Variants in ERGIC3 observed in about 807,000 individuals in gnomAD.
ERGIC3 encodes the protein endoplasmic reticulum-Golgi intermediate compartment protein 3.
Under a neutral mutation model 54.7 loss-of-function variants are expected in ERGIC3, and 33 were observed. The ratio of observed to expected loss-of-function variants is 0.60; its 90% confidence interval spans 0.46 to 0.81. ERGIC3 has a LOEUF of 0.81. Among genes scored for constraint, ERGIC3 ranks in the 30% least tolerant of loss-of-function variants. The pLI is 0.00. For synonymous variants in ERGIC3, 186 were observed against 189.8 expected, an observed-to-expected ratio of 0.98 and a Z score of 0.16; for missense variants, 399 against 488.4, an observed-to-expected ratio of 0.82 and a Z score of 1.73.
rs116307667 is a variant in ERGIC3, at chr20:35,556,850, G to A, written c.880-123G>A. 681 of 1,372,092 alleles carry A rather than the reference G, an allele frequency of 5.0e-4. 4 individuals are homozygous for A. In the African/African-American group the frequency reaches 8.8e-3, roughly 18 times the overall value. 85.0% of individuals were successfully genotyped at this position (1,372,092 alleles called of 1,614,324 possible). A position where few individuals can be genotyped will look rare whatever the true frequency, so the allele number is the denominator to read the frequency against. On this transcript the variant is annotated intron_variant, in intron 10 of 12. Coordinates refer to ENST00000348547, the MANE Select transcript of ERGIC3 (RefSeq NM_015966.3). Reference sequence around the variant, plus strand: ...TTGCAGTGCAGGCCACTAGCACGGTGCTGTGTTCTCTCCTTACACGGCCAA... The same window carrying A: ...TTGCAGTGCAGGCCACTAGCACGGTACTGTGTTCTCTCCTTACACGGCCAA...
Position 35,557,261 on chromosome 20 carries a change from A to G in ERGIC3, c.1072+12A>G, listed in dbSNP as rs1426402564. On this transcript the variant is annotated intron_variant, in intron 12 of 12. Transcript: ENST00000348547. ...GGGCATGTTCACAGGTAAGAGGCCC[A>G]GGGCGTCTGTGAGCTGTGGGGTGGG... 3 of 1,613,834 alleles carry G rather than the reference A, an allele frequency of 1.9e-6. No individual in the cohort carries two copies. The African/African-American group carries it at 4.0e-5, about 22-fold the overall frequency.
Position 35,557,541 on chromosome 20 carries a change from T to C in ERGIC3, c.*37T>C. On this transcript the variant is annotated 3_prime_UTR_variant, in exon 13 of 13. Transcript: ENST00000348547. ...GCTTCCTCTGTCTCCTCTTTCTCCC[T>C]GGCCTGTGGTTGTCCCCCAGCCTCT... 11 of 1,592,376 alleles carry C rather than the reference T, an allele frequency of 6.9e-6. No individual in the cohort carries two copies. The highest frequency in any genetic ancestry group is 9.5e-6 in the Non-Finnish European group (11 of 1,160,900).
chr20:35,557,065 C>T lies in ERGIC3; in HGVS notation c.972C>T (p.Leu324=), dbSNP rs2064717845. 1 of 1,614,130 alleles carries T rather than the reference C, an allele frequency of 6.2e-7. No individual in the cohort carries two copies. Among genetic ancestry groups the T allele is most frequent in the Non-Finnish European group, 8.5e-7 (1 of 1,180,046 alleles). Residue 324 remains leucine, a synonymous_variant, in exon 11 of 13, where the codon CTC becomes CTT. Transcript: ENST00000348547. Reference sequence around the variant, plus strand: ...AAGGCCTTCCCGGAGTCTTCGTCCTCTATGAGCTCTCGCCCATGATGGTGA... The same window carrying T: ...AAGGCCTTCCCGGAGTCTTCGTCCTTTATGAGCTCTCGCCCATGATGGTGA... The part of the protein sequence containing the change: ...GDQGLPGVFV[L]YELSPMMVKL...
chr20:35,547,402 C>G lies in ERGIC3; in HGVS notation c.368-10C>G, dbSNP rs1162807084. ...CCCAGCTGATGCCTCTGCTTCTCCC[C>G]TCCCCTTAGAGCTTGGGAAAGTCGA... On this transcript the variant is annotated splice_polypyrimidine_tract_variant and intron_variant, in intron 4 of 12. Coordinates refer to ENST00000348547, the MANE Select transcript of ERGIC3 (RefSeq NM_015966.3). 3.7e-6 allele frequency: 6 copies of G among 1,613,144 alleles called. No individual in the cohort carries two copies. The highest frequency in any genetic ancestry group is 4.2e-6 in the Non-Finnish European group (5 of 1,179,200).
chr20:35,556,767 G>C, intron 10 of ERGIC3: 1 of 662,964 alleles, frequency 1.5e-6, no homozygotes, highest in Admixed American at 2.8e-5. Flanking sequence ...TAAAGACTTG[G>C]CACCTGGAGG....
At chr20:35,547,869 T>G (rs919511408) in intron 5 of ERGIC3, among the ~76,000 whole-genome samples, 1 of 152,158 alleles carries the variant, frequency 6.6e-6, no homozygotes, top group Non-Finnish European at 1.5e-5. Flanking sequence ...ACATATGGAT[T>G]AGCTGTATAC....
At position 35,554,485 on chromosome 20, in the gene ERGIC3, C is replaced by T. The variant is rs1418364546; in HGVS notation, c.686-559C>T. On this transcript the variant is annotated intron_variant, in intron 7 of 12. Transcript: ENST00000348547. ...GTTGGATGGGGCTGTGATTGGGTCTCCTCTGACCTGGCTGCTGGGTGACTG... is the reference window on the plus strand; with the variant it reads ...GTTGGATGGGGCTGTGATTGGGTCTTCTCTGACCTGGCTGCTGGGTGACTG... 5 of 1,345,654 alleles carry T rather than the reference C, an allele frequency of 3.7e-6. No individual in the cohort carries two copies. In the Admixed American group the frequency reaches 7.1e-5, roughly 19 times the overall value. The allele number at this position is 1,345,654 out of a possible 1,614,324, so 83.4% of individuals were successfully genotyped here. A position where few individuals can be genotyped will look rare whatever the true frequency, so the allele number is the denominator to read the frequency against.
chr20:35,542,691 G>A, intron 3 of ERGIC3, 91 bp downstream of exon 3: 1 of 1,599,214 alleles, frequency 6.3e-7, no homozygotes, highest in Non-Finnish European at 8.6e-7. Flanking sequence ...TTCTGGACTG[G>A]ACCCCAGGAC....
chr20:35,542,812 C>T lies in ERGIC3; in HGVS notation c.248-10C>T, dbSNP rs776611762. On this transcript the variant is annotated splice_polypyrimidine_tract_variant and intron_variant, in intron 3 of 12. Transcript: ENST00000348547. ...GTCCCAGTACCTTAGCCTGATTTTC[C>T]TGCTTCCAGATCTGAGTATTGATGC... is the stretch of plus-strand genomic sequence containing the variant. 6.2e-7 allele frequency: 1 copy of T among 1,614,104 alleles called. No homozygotes were observed. Among genetic ancestry groups the T allele is most frequent in the Non-Finnish European group, 8.5e-7 (1 of 1,180,032 alleles).
chr20:35,543,624 C>G (rs767222542), intron 4 of ERGIC3: 2 of 471,186 alleles, frequency 4.2e-6, no homozygotes, highest in African/African-American at 4.0e-5. Context: ...TTAGAGATTA[C>G]TCTGGTGGGG....
rs762721281 is a variant in ERGIC3 at position 35,547,551 on chromosome 20, T to TGTCA, written c.461+52_461+55dup. The TGTCA allele has an allele frequency of 8.3e-6, 13 of 1,563,990 alleles. No homozygotes were observed. The African/African-American group carries it at 1.6e-4, about 20-fold the overall frequency. ...AGCAGGGTTCCCATCAGGCGCCATC[T>TGTCA]GTCAGTCAGCCTCAGCCTCAGTCAG... On this transcript the variant is annotated intron_variant, in intron 5 of 12. Transcript: ENST00000348547.
rs527416693 is a variant in ERGIC3, at chr20:35,545,798, G to A, written c.368-1614G>A. Among the ~76,000 whole-genome samples, 25 of 152,212 alleles carry A rather than the reference G, an allele frequency of 1.6e-4. No individual in the cohort carries two copies. In the East Asian group the frequency reaches 4.8e-3, roughly 29 times the overall value. On this transcript the variant is annotated intron_variant, in intron 4 of 12. Coordinates refer to ENST00000348547, the MANE Select transcript of ERGIC3 (RefSeq NM_015966.3). ...AGGAAAGAGGAATCTCAGGTTTGGG[G>A]TATGTTAAATTTGGGGTTCCTATTT...
intron 7 of ERGIC3, chr20:35,554,718 C>G: frequency 5.1e-6 from 3 of 590,914 alleles, no homozygotes; most frequent in East Asian, 5.6e-5. Context: ...GCCATCAGCT[C>G]TAGTTAGTGA....
rs2064722748 is a variant in ERGIC3, at chr20:35,557,611, A to C, written c.*107A>C. 8.7e-6 allele frequency: 8 copies of C among 916,640 alleles called. No homozygotes were observed. The highest frequency in any genetic ancestry group is 7.1e-5 in the South Asian group (5 of 70,476). 56.8% of individuals were successfully genotyped at this position (916,640 alleles called of 1,614,324 possible). Reference sequence around the variant, plus strand: ...GTCAGCCCCAGCCCCAGGTTGATAAATCTATTGATTGATTGTGATAGTACT... The same window carrying C: ...GTCAGCCCCAGCCCCAGGTTGATAACTCTATTGATTGATTGTGATAGTACT... On this transcript the variant is annotated 3_prime_UTR_variant, in exon 13 of 13. Coordinates refer to ENST00000348547, the MANE Select transcript of ERGIC3 (RefSeq NM_015966.3).
chr20:35,555,929 C>A, intron 8 of ERGIC3, 104 bp from the exon 9 acceptor site: 1 of 1,072,904 alleles, frequency 9.3e-7, no homozygotes, highest in Non-Finnish European at 1.4e-6. Flanking sequence ...CCCCTTAGGA[C>A]CATAGCCTCC....
intron 7 of ERGIC3, among the ~76,000 whole-genome samples, chr20:35,550,194 G>A (rs954517432): frequency 6.6e-6 from 1 of 152,044 alleles, no homozygotes; most frequent in African/African-American, 2.4e-5. Context: ...CCATGTGGAT[G>A]TCTGGGGAGG....
At chr20:35,544,440 T>C in intron 4 of ERGIC3, 1 of 312,946 alleles carries the variant, frequency 3.2e-6, no homozygotes, top group Non-Finnish European at 6.4e-6. Context: ...TCAGTCTTTC[T>C]TGGCATCAGC....
intron 7 of ERGIC3, among the ~76,000 whole-genome samples, chr20:35,553,216 C>T (rs561078986): frequency 6.9e-6 from 1 of 143,900 alleles, no homozygotes; most frequent in South Asian, 2.2e-4. Flanking sequence ...CCATGTTGCC[C>T]AGGCTCCTGG....
chr20:35,556,450 G>A (rs1011979864), intron 10 of ERGIC3, 179 bp downstream of exon 10: 1 of 660,594 alleles, frequency 1.5e-6, no homozygotes, highest in Non-Finnish European at 2.6e-6. Flanking sequence ...GCCTGGGGCT[G>A]TTAGATTTAA....
Sources: allele counts gnomAD v4.1 joint callset (sites outside exome capture counted in the v4.1 genomes callset), GRCh38; gene constraint gnomAD v4.1.1; transcripts MANE v1.5; gene names NCBI Gene and HGNC (gene_info 2026-07-23, HGNC 2026-07-21).